Variants in BRINP3 observed in about 807,000 individuals in gnomAD.
BRINP3 encodes the protein BMP/retinoic acid-inducible neural-specific protein 3.
In BRINP3, 19 loss-of-function variants were observed where a neutral mutation model predicts 71.0. That is an observed-to-expected ratio of 0.27 (90% confidence interval 0.19 to 0.39). The LOEUF (loss-of-function observed/expected upper bound fraction) is 0.39, where lower values mean the gene tolerates loss of function less well. BRINP3 is among the 10% of genes least tolerant of loss of function. The probability of loss-of-function intolerance (pLI) is 1.00; values close to 1 mark genes in which losing one functional copy is unlikely to be tolerated. For missense variants in BRINP3, 959 were observed against 940.8 expected (o/e 1.02, Z -0.25); for synonymous variants, 380 against 337.7 (o/e 1.13, Z -1.37).
At chr1:190,245,697 C>T (rs984061867) in intron 4 of BRINP3, among the ~76,000 whole-genome samples, 3 of 151,612 alleles carry the variant, frequency 2.0e-5, no homozygotes, top group Non-Finnish European at 2.9e-5. Context: ...TGGTGTGCTG[C>T]ACCCATCAAC....
chr1:190,158,540 A>C (rs112611742), intron 7 of BRINP3, among the ~76,000 whole-genome samples: 3,250 of 152,134 alleles, frequency 0.021, 107 homozygotes, highest in African/African-American at 0.074. Flanking sequence ...GGGATCAATC[A>C]TACCTCAAAC....
At chr1:190,458,882 A>G (rs993845776) in intron 1 of BRINP3, among the ~76,000 whole-genome samples, 3 of 151,942 alleles carry the variant, frequency 2.0e-5, no homozygotes, top group African/African-American at 7.2e-5. Flanking sequence ...AAGAGATGAG[A>G]ACATCAATGC....
chr1:190,306,392 G>C (rs973607980), intron 2 of BRINP3, among the ~76,000 whole-genome samples: 1 of 151,800 alleles, frequency 6.6e-6, no homozygotes, highest in African/African-American at 2.4e-5. Flanking sequence ...TTGATTGTAA[G>C]AGTAGGGTGT....
intron 7 of BRINP3, among the ~76,000 whole-genome samples, chr1:190,123,578 T>C (rs1653855722): frequency 6.6e-6 from 1 of 152,176 alleles, no homozygotes; most frequent in African/African-American, 2.4e-5. Flanking sequence ...GACTTATATT[T>C]AGATAGTACT....
chr1:190,327,427 T>A (rs1274401626), intron 2 of BRINP3, among the ~76,000 whole-genome samples: 2 of 80,582 alleles, frequency 2.5e-5, no homozygotes, highest in African/African-American at 4.7e-5. Context: ...ATCTCACACA[T>A]AATAACAACC....
Position 190,097,862 on chromosome 1 carries a change from G to A in BRINP3, c.*156C>T. Reference sequence around the variant, plus strand: ...CTGCTGTATAATATATTCATTGTCAGCAAGTTCATGTGTGTAAATTGCCAT... The same window carrying A: ...CTGCTGTATAATATATTCATTGTCAACAAGTTCATGTGTGTAAATTGCCAT... On this transcript the variant is annotated 3_prime_UTR_variant, in exon 8 of 8. Transcript: ENST00000367462. The A allele has an allele frequency of 1.3e-6, 1 of 784,282 alleles. No homozygotes were observed. Among genetic ancestry groups the A allele is most frequent in the East Asian group, 2.6e-5 (1 of 38,796 alleles). 48.6% of individuals were successfully genotyped at this position (784,282 alleles called of 1,614,324 possible).
chr1:190,432,254 A>C (rs1026713040), intron 2 of BRINP3, among the ~76,000 whole-genome samples: 8 of 152,300 alleles, frequency 5.3e-5, no homozygotes, highest in African/African-American at 1.9e-4. Flanking sequence ...TCAACACAAC[A>C]GTGCAGTCAT....
chr1:190,328,721 G>T (rs371303116), intron 2 of BRINP3, among the ~76,000 whole-genome samples: 1 of 87,990 alleles, frequency 1.1e-5, no homozygotes, highest in South Asian at 2.9e-4. Flanking sequence ...AGACAATGAA[G>T]AAAAAAAAAA....
intron 2 of BRINP3, among the ~76,000 whole-genome samples, chr1:190,416,910 C>A (rs1673039296): frequency 6.6e-6 from 1 of 152,126 alleles, no homozygotes; most frequent in Non-Finnish European, 1.5e-5. Context: ...AAGTTTTCCT[C>A]CAGATCCAAG....
At chr1:190,132,662 T>G (rs1654639632) in intron 7 of BRINP3, among the ~76,000 whole-genome samples, 1 of 152,092 alleles carries the variant, frequency 6.6e-6, no homozygotes, top group African/African-American at 2.4e-5. Flanking sequence ...AATATTGTAC[T>G]CCATTTTATC....
At chr1:190,116,440 G>A (rs751173233) in intron 7 of BRINP3, among the ~76,000 whole-genome samples, 18 of 152,074 alleles carry the variant, frequency 1.2e-4, no homozygotes, top group African/African-American at 2.6e-4. Flanking sequence ...TCATAGTTTC[G>A]TAATATCTCT....
At chr1:190,215,008 G>C (rs532321634) in intron 6 of BRINP3, among the ~76,000 whole-genome samples, 52 of 149,736 alleles carry the variant, frequency 3.5e-4, no homozygotes, top group African/African-American at 1.2e-3. Context: ...TCTCATAAAT[G>C]CAAGAAAGCT....
intron 6 of BRINP3, among the ~76,000 whole-genome samples, chr1:190,208,968 C>T (rs569245946): frequency 2.6e-5 from 4 of 151,996 alleles, no homozygotes; most frequent in Non-Finnish European, 5.9e-5. Flanking sequence ...GGGGTAATGC[C>T]TAAAATGTCC....
intron 7 of BRINP3, among the ~76,000 whole-genome samples, chr1:190,111,003 G>A (rs1160647470): frequency 2.6e-5 from 4 of 151,372 alleles, no homozygotes; most frequent in Admixed American, 1.3e-4. Flanking sequence ...GTGAAACCCC[G>A]TCTCTACTAA....
intron 2 of BRINP3, among the ~76,000 whole-genome samples, chr1:190,297,999 T>A (rs1664384640): frequency 6.6e-6 from 1 of 152,164 alleles, no homozygotes; most frequent in South Asian, 2.1e-4. Flanking sequence ...TTTGGAGTTT[T>A]TAAAATTGCA....
intron 7 of BRINP3, among the ~76,000 whole-genome samples, chr1:190,131,205 G>A (rs1654515237): frequency 7.3e-6 from 1 of 137,542 alleles, no homozygotes; most frequent in Non-Finnish European, 1.6e-5. Flanking sequence ...GGGGGGACAG[G>A]GAAGCTAACT....
chr1:190,389,152 T>C (rs552702980), intron 2 of BRINP3, among the ~76,000 whole-genome samples: 5 of 151,876 alleles, frequency 3.3e-5, no homozygotes, highest in African/African-American at 1.2e-4. Context: ...ACACATATAA[T>C]AAAAATGTTA....
chr1:190,137,056 G>A (rs1198934608), intron 7 of BRINP3, among the ~76,000 whole-genome samples: 4 of 152,032 alleles, frequency 2.6e-5, no homozygotes, highest in Non-Finnish European at 4.4e-5. Flanking sequence ...ATAAACTAAG[G>A]TATAGTGTAG....
At chr1:190,229,470 G>A (rs1009717333) in intron 5 of BRINP3, among the ~76,000 whole-genome samples, 1 of 151,860 alleles carries the variant, frequency 6.6e-6, no homozygotes, top group Non-Finnish European at 1.5e-5. Flanking sequence ...TCTCAAGTAT[G>A]TCTTTATTAG....
Sources: gnomAD v4.1 joint callset for allele counts (sites outside exome capture counted in the v4.1 genomes callset) on GRCh38, gnomAD v4.1.1 for gene constraint, MANE v1.5 for transcripts, NCBI Gene and HGNC (gene_info 2026-07-23, HGNC 2026-07-21) for gene names.